BTBD9: variants seen among roughly 807,000 people sequenced by gnomAD.
BTBD9 encodes BTB/POZ domain-containing protein 9.
In BTBD9, 49 loss-of-function variants were observed where a neutral mutation model predicts 64.3. That is an observed-to-expected ratio of 0.76 (90% CI 0.61 to 0.97). The LOEUF (loss-of-function observed/expected upper bound fraction) is 0.97, where lower values mean the gene tolerates loss of function less well. BTBD9 is among the 50% of genes least tolerant of loss of function. The probability of loss-of-function intolerance (pLI) is 0.00; values close to 1 mark genes in which losing one functional copy is unlikely to be tolerated. For missense variants in BTBD9, 598 were observed against 762.1 expected (o/e 0.78, Z 2.53); for synonymous variants, 260 against 274.7 (o/e 0.95, Z 0.53).
intron 1 of BTBD9, among the ~76,000 whole-genome samples, chr6:38,638,214 C>G (rs1159827180): frequency 6.6e-6 from 1 of 152,182 alleles, no homozygotes; most frequent in Non-Finnish European, 1.5e-5. Context: ...TTATAGTCCT[C>G]AAACAGCACT....
chr6:38,475,832 C>A (rs1770853212), intron 6 of BTBD9, among the ~76,000 whole-genome samples: 1 of 152,048 alleles, frequency 6.6e-6, no homozygotes, highest in Non-Finnish European at 1.5e-5. Context: ...TAGCTCAACC[C>A]CTGAAATGAA....
chr6:38,524,912 G>A (rs1474878244), intron 6 of BTBD9, among the ~76,000 whole-genome samples: 1 of 152,080 alleles, frequency 6.6e-6, no homozygotes, highest in Non-Finnish European at 1.5e-5. Context: ...AGCTGGTAGT[G>A]TCAAACAAAG....
chr6:38,375,900 AAAG>A, intron 6 of BTBD9, among the ~76,000 whole-genome samples: 1 of 113,172 alleles, frequency 8.8e-6, no homozygotes, highest in Non-Finnish European at 1.7e-5. Context: ...GAAAAGAAAG[AAAG>A]AAAGAAAGAA....
chr6:38,308,951 G>A (rs1006686881), intron 7 of BTBD9, among the ~76,000 whole-genome samples: 3 of 151,666 alleles, frequency 2.0e-5, no homozygotes, highest in African/African-American at 7.3e-5. Flanking sequence ...ACCACACTAC[G>A]AGTTTAAAGG....
chr6:38,609,847 G>C (rs1562415918), intron 1 of BTBD9, among the ~76,000 whole-genome samples: 2 of 152,136 alleles, frequency 1.3e-5, no homozygotes, highest in African/African-American at 4.8e-5. Context: ...TTTACCTAAA[G>C]TCATAATATT....
chr6:38,374,386 C>T (rs4711542), intron 6 of BTBD9, among the ~76,000 whole-genome samples: 84,220 of 127,400 alleles, frequency 0.66, 29,534 homozygotes, highest in East Asian at 0.96. Flanking sequence ...CGAAAAGTTA[C>T]ATTCTGTAAA....
chr6:38,272,997 C>G (rs1308304263), intron 8 of BTBD9, among the ~76,000 whole-genome samples: 1 of 152,078 alleles, frequency 6.6e-6, no homozygotes, highest in Non-Finnish European at 1.5e-5. Context: ...AAGTATATGC[C>G]AAGGAAAGTT....
intron 6 of BTBD9, among the ~76,000 whole-genome samples, chr6:38,434,856 C>A (rs1301390742): frequency 6.6e-6 from 1 of 151,692 alleles, no homozygotes; most frequent in Admixed American, 6.6e-5. Context: ...GTTTCAGGAC[C>A]CCTGCAGATA....
At chr6:38,598,923 A>AT (rs1554180965) in intron 1 of BTBD9, among the ~76,000 whole-genome samples, 3 of 152,012 alleles carry the variant, frequency 2.0e-5, no homozygotes, top group African/African-American at 7.3e-5. Flanking sequence ...TTCTCAAAAA[A>AT]AATAATAATA....
rs186155415 is a variant in BTBD9, at chr6:38,611,155, G to T, written c.-27-13034C>A. Among the ~76,000 whole-genome samples, 13 of 152,138 alleles carry T rather than the reference G, an allele frequency of 8.5e-5. 1 individual carries two copies. Among genetic ancestry groups the T allele is most frequent in the Middle Eastern group, 6.8e-3 (2 of 294 alleles). The stretch of plus-strand genomic sequence containing the variant: ...ACATATACGTATATGTACATGCATG[G>T]TATCTAGAAGGTACCTAAATATTTA... On this transcript the variant is annotated intron_variant, in intron 1 of 10. Transcript: ENST00000481247.
At chr6:38,552,668 G>A (rs891742753) in intron 6 of BTBD9, among the ~76,000 whole-genome samples, 2 of 151,664 alleles carry the variant, frequency 1.3e-5, no homozygotes, top group Non-Finnish European at 2.9e-5. Context: ...TCGGGAGGCT[G>A]AGGTAGGAGA....
intron 7 of BTBD9, among the ~76,000 whole-genome samples, chr6:38,302,760 C>T (rs1472229477): frequency 1.3e-5 from 2 of 151,854 alleles, no homozygotes; most frequent in African/African-American, 4.8e-5. Flanking sequence ...ACATTACCAC[C>T]AACAGTGTAT....
intron 8 of BTBD9, among the ~76,000 whole-genome samples, chr6:38,275,130 G>A (rs1407318972): frequency 1.3e-5 from 2 of 152,128 alleles, no homozygotes; most frequent in Non-Finnish European, 2.9e-5. Flanking sequence ...AAACAGCATG[G>A]TACTGGTTCC....
intron 9 of BTBD9, among the ~76,000 whole-genome samples, chr6:38,240,951 G>A (rs1031895602): frequency 6.6e-6 from 1 of 152,154 alleles, no homozygotes; most frequent in Non-Finnish European, 1.5e-5. Flanking sequence ...GTTTAAATCT[G>A]TGACCCTGAC....
intron 2 of BTBD9, 21 bp downstream of exon 2, chr6:38,597,889 A>G: frequency 6.2e-7 from 1 of 1,603,632 alleles, no homozygotes; most frequent in Non-Finnish European, 8.5e-7. Context: ...TAAATTTTCA[A>G]AAAAAGTATT....
At chr6:38,382,095 T>G (rs1765959042) in intron 6 of BTBD9, among the ~76,000 whole-genome samples, 1 of 152,118 alleles carries the variant, frequency 6.6e-6, no homozygotes, top group Non-Finnish European at 1.5e-5. Context: ...ATTAAAACCC[T>G]TCAACAATTA....
intron 6 of BTBD9, among the ~76,000 whole-genome samples, chr6:38,537,855 A>T (rs971981300): frequency 1.3e-5 from 2 of 152,162 alleles, no homozygotes; most frequent in Non-Finnish European, 2.9e-5. Flanking sequence ...AACACTTTCA[A>T]GCCTTGGTCC....
At chr6:38,611,907 T>G (rs1777629263) in intron 1 of BTBD9, among the ~76,000 whole-genome samples, 3 of 152,218 alleles carry the variant, frequency 2.0e-5, no homozygotes. Context: ...ATTATCATAC[T>G]GCATCTTTCT....
chr6:38,439,454 TCACACTCTGTTGCC>T (rs749187728), intron 6 of BTBD9, among the ~76,000 whole-genome samples: 8 of 149,882 alleles, frequency 5.3e-5, no homozygotes, highest in Non-Finnish European at 1.0e-4. Flanking sequence ...TTTGACAGAG[TCACACTCTGTTGCC>T]CAGGCTGGAG....
Sources: allele counts gnomAD v4.1 joint callset (sites outside exome capture counted in the v4.1 genomes callset), GRCh38; gene constraint gnomAD v4.1.1; transcripts MANE v1.5; gene names NCBI Gene and HGNC (gene_info 2026-07-23, HGNC 2026-07-21).